Variants in SOAT2 observed in about 807,000 individuals in gnomAD.
The protein encoded by SOAT2 is sterol O-acyltransferase 2, also known as ACAT-2.
SOAT2 carries 87 observed loss-of-function variants against 76.0 expected under a neutral mutation model. The observed-to-expected ratio is 1.14, with a 90% confidence interval of 0.96 to 1.37. The LOEUF is 1.37. Ranked by LOEUF, SOAT2 falls within the 40% of genes most tolerant of loss-of-function variation. The pLI is 0.00. For missense variants in SOAT2, 686 were observed against 682.1 expected, an observed-to-expected ratio of 1.01 and a Z score of -0.06; for synonymous variants, 285 against 275.4, an observed-to-expected ratio of 1.03 and a Z score of -0.34.
chr12:53,122,992 C>A, intron 12 of SOAT2, 89 bp from the exon 13 acceptor site: 1 of 1,387,564 alleles, frequency 7.2e-7, no homozygotes, highest in East Asian at 2.8e-5. Flanking sequence ...CCGGACTGGG[C>A]GGCTGGCCGG....
intron 5 of SOAT2, among the ~76,000 whole-genome samples, chr12:53,107,509 G>T (rs568773547): frequency 1.3e-5 from 2 of 151,618 alleles, no homozygotes; most frequent in African/African-American, 4.8e-5. Context: ...GGAAAAAATT[G>T]AAAACATTAT....
At chr12:53,123,688 A>T (rs771140689) in intron 13 of SOAT2, 40 bp from the exon 14 acceptor site, 1 of 1,611,990 alleles carries the variant, frequency 6.2e-7, no homozygotes, top group Non-Finnish European at 8.5e-7. Flanking sequence ...GAGACAAGGC[A>T]CTCCTGGAGC....
chr12:53,119,035 G>T, intron 9 of SOAT2, 89 bp from the exon 10 acceptor site: 22 of 1,610,306 alleles, frequency 1.4e-5, no homozygotes, highest in Middle Eastern at 1.8e-4. Flanking sequence ...GATGCCAAGG[G>T]AAGAGAAGGC....
At chr12:53,122,712 A>C (rs2121307245) in intron 12 of SOAT2, among the ~76,000 whole-genome samples, 1 of 152,256 alleles carries the variant, frequency 6.6e-6, no homozygotes, top group South Asian at 2.1e-4. Context: ...AACAAAATGA[A>C]AAGTCTCCCA....
chr12:53,110,780 T>C (rs893492961), intron 5 of SOAT2, among the ~76,000 whole-genome samples: 1 of 152,332 alleles, frequency 6.6e-6, no homozygotes, highest in African/African-American at 2.4e-5. Context: ...ACATCCATAA[T>C]TTAAACCAAA....
At chr12:53,104,069 G>A (rs987733294) in intron 1 of SOAT2, 82 bp from the exon 2 acceptor site, 69 of 1,171,588 alleles carry the variant, frequency 5.9e-5, no homozygotes, top group Non-Finnish European at 8.6e-5. Flanking sequence ...AGCACACAAA[G>A]CATTTCCTGA....
At chr12:53,121,136 C>T (rs182661516) in intron 11 of SOAT2, among the ~76,000 whole-genome samples, 167 bp from the exon 12 acceptor site, 24 of 152,306 alleles carry the variant, frequency 1.6e-4, no homozygotes, top group African/African-American at 5.1e-4. Flanking sequence ...ACAGGGCCTC[C>T]GTGACCTGAG....
chr12:53,115,448 G>A lies in SOAT2; in HGVS notation c.502G>A (p.Val168Met). ...CTTCGGACAGCTGCCATTGGCGCTG[G>A]TGACCTGGGTGCCCATGTTTCTGTC... ...FSFGQLPLAL[V>M]TWVPMFLSTL... is the part of the protein sequence containing the mutation. The change falls in exon 6 of 15, where the codon GTG (valine) becomes ATG (methionine). Residue 168 changes from valine to methionine, a missense_variant. Physicochemically the swap from Val to Met is conservative, Grantham distance 21 (BLOSUM62 1). Coordinates refer to ENST00000301466, the MANE Select transcript of SOAT2 (RefSeq NM_003578.4). The A allele has an allele frequency of 6.8e-6, 11 of 1,612,580 alleles. No homozygotes were observed. Among genetic ancestry groups the A allele is most frequent in the Non-Finnish European group, 7.6e-6 (9 of 1,179,756 alleles).
chr12:53,114,310 T>C (rs753980843), intron 5 of SOAT2, among the ~76,000 whole-genome samples: 1 of 151,874 alleles, frequency 6.6e-6, no homozygotes, highest in African/African-American at 2.4e-5. Context: ...AAGAAAAAAA[T>C]AAATTAAAAA....
At chr12:53,120,403 A>G (rs1436440396) in intron 10 of SOAT2, among the ~76,000 whole-genome samples, 1 of 152,104 alleles carries the variant, frequency 6.6e-6, no homozygotes, top group Non-Finnish European at 1.5e-5. Flanking sequence ...CAGGAGGCGG[A>G]GCTTGCAGTG....
chr12:53,109,647 A>G (rs1937984574), intron 5 of SOAT2, among the ~76,000 whole-genome samples: 2 of 151,916 alleles, frequency 1.3e-5, no homozygotes, highest in Non-Finnish European at 2.9e-5. Context: ...ACACCCAGCT[A>G]ATTTTTTTGT....
intron 10 of SOAT2, 45 bp downstream of exon 10, chr12:53,119,298 G>C (rs771815542): frequency 3.2e-5 from 52 of 1,603,066 alleles, no homozygotes; most frequent in Non-Finnish European, 4.3e-5. Context: ...CCCTGGGGAA[G>C]GCTAATCAGG....
In SOAT2 at chr12:53,118,907, G is replaced by A. The variant is rs1938145386; in HGVS notation, c.881G>A (p.Trp294Ter). ...ETYPRTPYVR[W>*]NYVAKNFAQA... ...CGCTGCAGGACGCCCTATGTCAGGTGGAATTATGTGGCCAAGAACTTTGCC... is the reference window on the plus strand; with the variant it reads ...CGCTGCAGGACGCCCTATGTCAGGTAGAATTATGTGGCCAAGAACTTTGCC... The change falls in exon 9 of 15, where the codon TGG (tryptophan) becomes TAG (stop). Residue 294 changes from tryptophan (W) to a stop codon, truncating the protein, a stop_gained. Transcript: ENST00000301466. LOFTEE classifies it high-confidence loss of function. 6 of 1,614,124 alleles carry A rather than the reference G, an allele frequency of 3.7e-6. No individual in the cohort carries two copies. The highest frequency in any genetic ancestry group is 5.1e-6 in the Non-Finnish European group (6 of 1,180,000).
At position 53,104,198 on chromosome 12, in the gene SOAT2, C is replaced by T. The variant is rs754145312; in HGVS notation, c.130C>T (p.His44Tyr). 6.2e-7 allele frequency: 1 copy of T among 1,612,166 alleles called. No individual in the cohort carries two copies. Residue 44 changes from histidine (H) to tyrosine (Y), a missense_variant, in exon 2 of 15, where the codon CAC becomes TAC. Physicochemically the swap from His to Tyr is moderately conservative, Grantham distance 83 (BLOSUM62 2). Transcript: ENST00000301466. ...RAPDLVQWTR[H>Y]MEAVKAQLLE... Reference sequence around the variant, plus strand: ...CCCGGACTTGGTACAATGGACCCGACACATGGAGGTGAGGGATGTCAGAGG... The same window carrying T: ...CCCGGACTTGGTACAATGGACCCGATACATGGAGGTGAGGGATGTCAGAGG...
intron 5 of SOAT2, among the ~76,000 whole-genome samples, chr12:53,110,984 C>T (rs1043684598): frequency 2.0e-5 from 3 of 152,000 alleles, no homozygotes; most frequent in Non-Finnish European, 4.4e-5. Context: ...TGTTTTCCTA[C>T]ATTTTTATTG....
Position 53,115,288 on chromosome 12 carries a change from G to A in SOAT2, c.444-102G>A, listed in dbSNP as rs1029288702. On this transcript the variant is annotated intron_variant, in intron 5 of 14. Transcript: ENST00000301466. ...TCCAGAGATGGGGAGCTCACAACCTGATCAAGATACCTCAGTTCATCTTCC... is the reference window on the plus strand; with the variant it reads ...TCCAGAGATGGGGAGCTCACAACCTAATCAAGATACCTCAGTTCATCTTCC... The A allele has an allele frequency of 3.6e-6, 5 of 1,375,320 alleles. No homozygotes were observed. In the Admixed American group the frequency reaches 1.1e-4, roughly 31 times the overall value. 85.2% of individuals were successfully genotyped at this position (1,375,320 alleles called of 1,614,324 possible).
rs757697929 is a variant in SOAT2, at chr12:53,115,415, A to C, written c.469A>C (p.Ile157Leu). ...GRLLLEFDLL[I>L]FSFGQLPLAL... ...GCTGCTGCTGGAGTTTGACCTACTG[A>C]TCTTCAGCTTCGGACAGCTGCCATT... Residue 157 changes from isoleucine (I) to leucine (L), a missense_variant, in exon 6 of 15, where the codon ATC becomes CTC. Ile to Leu is a conservative substitution (Grantham distance 5, BLOSUM62 2). Coordinates refer to ENST00000301466, the MANE Select transcript of SOAT2 (RefSeq NM_003578.4). The C allele has an allele frequency of 3.1e-6, 5 of 1,609,890 alleles. No individual in the cohort carries two copies. The highest frequency in any genetic ancestry group is 4.2e-6 in the Non-Finnish European group (5 of 1,178,260).
At chr12:53,117,231 G>A (rs1304483668) in intron 7 of SOAT2, among the ~76,000 whole-genome samples, 1 of 149,302 alleles carries the variant, frequency 6.7e-6, no homozygotes. Context: ...AAAGTGCTGG[G>A]ATTACAGGCA....
chr12:53,107,001 C>G (rs74367693), intron 5 of SOAT2, among the ~76,000 whole-genome samples: 1 of 152,168 alleles, frequency 6.6e-6, no homozygotes, highest in Non-Finnish European at 1.5e-5. Flanking sequence ...AGGCAAAACT[C>G]TTGGTGGGCT....
Sources: gnomAD v4.1 joint callset for allele counts (sites outside exome capture counted in the v4.1 genomes callset) on GRCh38, gnomAD v4.1.1 for gene constraint, MANE v1.5 for transcripts, NCBI Gene and HGNC (gene_info 2026-07-23, HGNC 2026-07-21) for gene names.